Variants in DYNC1H1 observed in about 807,000 individuals in gnomAD.
DYNC1H1 encodes the protein cytoplasmic dynein 1 heavy chain 1.
A neutral mutation model predicts 527.1 loss-of-function variants in DYNC1H1; 51 were observed. The observed-to-expected ratio is 0.10, with a 90% confidence interval of 0.08 to 0.12. The LOEUF is 0.12. DYNC1H1 is among the 10% of genes least tolerant of loss of function. The pLI, the probability that DYNC1H1 is intolerant of heterozygous loss-of-function variation, is 1.00. For missense variants in DYNC1H1, 2,771 were observed against 5,971.8 expected (o/e 0.46, Z 17.66); for synonymous variants, 2,189 against 2,278.8 (o/e 0.96, Z 1.12).
chr14:101,999,379 G>A (rs1567005327), intron 16 of DYNC1H1, among the ~76,000 whole-genome samples: 1 of 152,012 alleles, frequency 6.6e-6, no homozygotes. Flanking sequence ...CTGAACTCAA[G>A]CAGTCTCCCC....
At chr14:101,968,556 G>T (rs2047694236) in intron 1 of DYNC1H1, among the ~76,000 whole-genome samples, 1 of 151,970 alleles carries the variant, frequency 6.6e-6, no homozygotes, top group South Asian at 2.1e-4. Flanking sequence ...TAACACTCCA[G>T]TGTTTGAGAC....
Position 102,011,762 on chromosome 14 carries a change from A to G in DYNC1H1, c.6619-113A>G. The G allele has an allele frequency of 1.7e-5, 21 of 1,240,126 alleles. No individual in the cohort carries two copies. Among genetic ancestry groups the G allele is most frequent in the Non-Finnish European group, 2.4e-5 (21 of 863,750 alleles). 76.8% of individuals were successfully genotyped at this position (1,240,126 alleles called of 1,614,324 possible). ...GAGAGACTCCGTTTCAGGAAAAAAAAAAAAATCCACACATAATGTTTCTTG... is the reference window on the plus strand; with the variant it reads ...GAGAGACTCCGTTTCAGGAAAAAAAGAAAAATCCACACATAATGTTTCTTG... On this transcript the variant is annotated intron_variant, in intron 32 of 77. Transcript: ENST00000360184. The surrounding 1 kb of genome is among the most constrained non-coding windows in gnomAD (Gnocchi z 5.3).
rs560557407 is a variant in DYNC1H1 at position 102,020,446 on chromosome 14, A to G, written c.8507+390A>G. 2.6e-5 allele frequency among the ~76,000 whole-genome samples: 4 copies of G among 152,284 alleles called. No homozygotes were observed. Among genetic ancestry groups the G allele is most frequent in the African/African-American group, 9.6e-5 (4 of 41,560 alleles). ...AGCAGCTGCCTGTGATAACCTTACC[A>G]GAGCACGGGTTCACTGCTGAGTTAA... On this transcript the variant is annotated intron_variant, in intron 42 of 77. Transcript: ENST00000360184. The surrounding 1 kb of genome is among the most constrained non-coding windows in gnomAD (Gnocchi z 4.3).
In DYNC1H1 at chr14:102,002,828, G is replaced by T; in HGVS notation, c.4746G>T (p.Val1582=). Residue 1582 remains valine (V), a synonymous_variant, in exon 23 of 78, where the codon GTG becomes GTT. Transcript: ENST00000360184. The surrounding 1 kb of genome is among the most constrained non-coding windows in gnomAD (Gnocchi z 4.4). ...STEFLALMKK[V]SKSPLVMDVL... ...AGTTTTTGGCTCTAATGAAAAAAGTGTCCAAGTCTCCCCTTGTTATGGATG... is the reference window on the plus strand; with the variant it reads ...AGTTTTTGGCTCTAATGAAAAAAGTTTCCAAGTCTCCCCTTGTTATGGATG... 6.2e-7 allele frequency: 1 copy of T among 1,614,234 alleles called. No individual in the cohort carries two copies. Among genetic ancestry groups the T allele is most frequent in the Non-Finnish European group, 8.5e-7 (1 of 1,180,036 alleles).
rs571858561 is a variant in DYNC1H1 at position 102,044,456 on chromosome 14, C to T, written c.12867C>T (p.Asp4289=). 2.0e-5 allele frequency: 33 copies of T among 1,614,188 alleles called. No homozygotes were observed. Among genetic ancestry groups the T allele is most frequent in the South Asian group, 2.0e-4 (18 of 91,086 alleles). ...DSEFKLACKV[D]GHKDIQMPDG... is the part of the protein sequence containing the mutation. ...AGTTTAAGCTGGCATGCAAGGTCGA[C>T]GGACATAAAGACATTCAAATGCCAG... Residue 4289 remains aspartate, a synonymous_variant, in exon 71 of 78, where the codon GAC becomes GAT. Coordinates refer to ENST00000360184, the MANE Select transcript of DYNC1H1 (RefSeq NM_001376.5). The surrounding 1 kb of genome is among the most constrained non-coding windows in gnomAD (Gnocchi z 7.1).
In DYNC1H1 at chr14:101,964,776, G is replaced by A. The variant is rs1352508759; in HGVS notation, c.85G>A (p.Val29Met). 8 of 1,600,696 alleles carry A rather than the reference G, an allele frequency of 5.0e-6. No homozygotes were observed. The highest frequency in any genetic ancestry group is 2.2e-5 in the South Asian group (2 of 90,000). Residue 29 changes from valine (V) to methionine (M), a missense_variant, in exon 1 of 78, where the codon GTG becomes ATG. By Grantham distance (21) the Val-to-Met change is conservative (BLOSUM62 1). This residue lies in a region of DYNC1H1 where 101 missense variants were observed against 105.3 expected (regional missense o/e 0.96). Transcript: ENST00000360184. This position sits in a 1 kb window ranked among gnomAD's most constrained non-coding sequence, Gnocchi z 5.5. ...SAVQNVADVS[V>M]LQKHLRKLVP... is the part of the protein sequence containing the mutation. Reference sequence around the variant, plus strand: ...CGTGCAGAATGTGGCGGACGTGTCGGTGCTGCAGAAGCACCTGCGCAAGCT... The same window carrying A: ...CGTGCAGAATGTGGCGGACGTGTCGATGCTGCAGAAGCACCTGCGCAAGCT...
chr14:102,048,782 TC>T, intron 74 of DYNC1H1, 113 bp downstream of exon 74: 1 of 1,070,306 alleles, frequency 9.3e-7, no homozygotes. Flanking sequence ...TGCAGGAGCT[TC>T]CGAGAGCAGC....
chr14:101,973,783 G>A (rs960544114), intron 1 of DYNC1H1, among the ~76,000 whole-genome samples: 25 of 152,104 alleles, frequency 1.6e-4, no homozygotes, highest in African/African-American at 6.0e-4. Flanking sequence ...CAGCCTGGGC[G>A]GCAGAGCAAG....
chr14:102,048,874 G>C (rs186777638), intron 74 of DYNC1H1: 22 of 699,994 alleles, frequency 3.1e-5, no homozygotes, highest in Admixed American at 1.5e-4. Context: ...TTCTGTGCTG[G>C]TTCACTGAAT....
intron 10 of DYNC1H1, among the ~76,000 whole-genome samples, chr14:101,989,411 T>C (rs2047971382): frequency 6.6e-6 from 1 of 152,204 alleles, no homozygotes; most frequent in African/African-American, 2.4e-5. Context: ...AGTCTGTGCC[T>C]CCCGAGCCAT....
intron 11 of DYNC1H1, among the ~76,000 whole-genome samples, chr14:101,991,909 TGG>T (rs898070252): frequency 1.5e-4 from 23 of 152,300 alleles, no homozygotes; most frequent in Non-Finnish European, 2.8e-4. Flanking sequence ...TGAGCATCTT[TGG>T]GAATCTCAAT....
intron 72 of DYNC1H1, among the ~76,000 whole-genome samples, chr14:102,046,436 G>A (rs75088021): frequency 0.012 from 1,862 of 151,390 alleles, 39 homozygotes; most frequent in African/African-American, 0.044. Context: ...CGAGCTGGGC[G>A]GGTCTGGAGG....
rs1242753290 is a variant in DYNC1H1 at position 102,015,698 on chromosome 14, G to C, written c.7243-158G>C. On this transcript the variant is annotated intron_variant, in intron 35 of 77. Transcript: ENST00000360184. The surrounding 1 kb of genome is among the most constrained non-coding windows in gnomAD (Gnocchi z 6.9). ...AAAGTTCCTGGGAAGCAGGGTTTTTGAGAACCACCAGGGTGAAGGAATGAG... is the reference window on the plus strand; with the variant it reads ...AAAGTTCCTGGGAAGCAGGGTTTTTCAGAACCACCAGGGTGAAGGAATGAG... Among the ~76,000 whole-genome samples, 1 of 152,196 alleles carries C rather than the reference G, an allele frequency of 6.6e-6. No homozygotes were observed. The highest frequency in any genetic ancestry group is 2.4e-5 in the African/African-American group (1 of 41,448).
chr14:102,040,165 C>A, intron 62 of DYNC1H1, 71 bp from the exon 63 acceptor site: 1 of 1,594,448 alleles, frequency 6.3e-7, no homozygotes, highest in South Asian at 1.1e-5. Flanking sequence ...TTTCTTAAAT[C>A]ACAGCTGTTA....
In DYNC1H1 at chr14:101,964,727, C is replaced by G. The variant is rs373527972; in HGVS notation, c.36C>G (p.Gly12=). 6 of 1,596,844 alleles carry G rather than the reference C, an allele frequency of 3.8e-6. No individual in the cohort carries two copies. Among genetic ancestry groups the G allele is most frequent in the Non-Finnish European group, 4.3e-6 (5 of 1,175,850 alleles). ...CCGGGGGCGGCGGCGGCGAGGACGG[C>G]TCGGCCGGATTGGAAGTGTCGGCCG... ...SEPGGGGGED[G]SAGLEVSAVQ... is the part of the protein sequence containing the mutation. The change falls in exon 1 of 78, where the codon GGC becomes GGG. Residue 12 remains glycine (G), a synonymous_variant. Transcript: ENST00000360184. The surrounding 1 kb of genome is among the most constrained non-coding windows in gnomAD (Gnocchi z 5.5).
At chr14:101,977,128 TTTGA>T (rs2047810192) in intron 2 of DYNC1H1, among the ~76,000 whole-genome samples, 1 of 152,212 alleles carries the variant, frequency 6.6e-6, no homozygotes, top group Admixed American at 6.5e-5. Flanking sequence ...TATATGCAGG[TTTGA>T]TTCTTTTTAG....
chr14:102,051,025 C>T lies in DYNC1H1; in HGVS notation c.*462C>T. Reference sequence around the variant, plus strand: ...CCTGGGGCCCGGGCACCATGGTTCACACCTTTAATCGCAGCACTTTGGGAG... The same window carrying T: ...CCTGGGGCCCGGGCACCATGGTTCATACCTTTAATCGCAGCACTTTGGGAG... On this transcript the variant is annotated 3_prime_UTR_variant, in exon 78 of 78. Coordinates refer to ENST00000360184, the MANE Select transcript of DYNC1H1 (RefSeq NM_001376.5). 4.0e-6 allele frequency: 1 copy of T among 251,968 alleles called. No individual in the cohort carries two copies. The highest frequency in any genetic ancestry group is 1.0e-4 in the East Asian group (1 of 9,750). The allele number at this position is 251,968 out of a possible 1,614,324, so 15.6% of individuals were successfully genotyped here.
At chr14:102,026,525 A>T in intron 43 of DYNC1H1, 49 bp from the exon 44 acceptor site, 2 of 1,610,014 alleles carry the variant, frequency 1.2e-6, no homozygotes, top group Non-Finnish European at 1.7e-6. Flanking sequence ...TTGGTCTAAT[A>T]ACTAACATTT....
Position 102,036,022 on chromosome 14 carries a change from C to G in DYNC1H1, c.10755-467C>G, listed in dbSNP as rs2048571119. On this transcript the variant is annotated intron_variant, in intron 56 of 77. Transcript: ENST00000360184. This position sits in a 1 kb window ranked among gnomAD's most constrained non-coding sequence, Gnocchi z 5.6. ...CCTCATTTGTAGAATGGTTCGATAACAGTGTCAGCCTCATAGGGCTGTTAT... is the reference window on the plus strand; with the variant it reads ...CCTCATTTGTAGAATGGTTCGATAAGAGTGTCAGCCTCATAGGGCTGTTAT... The G allele has an allele frequency of 5.4e-6, 1 of 185,454 alleles. No individual in the cohort carries two copies. Among genetic ancestry groups the G allele is most frequent in the Non-Finnish European group, 1.1e-5 (1 of 87,454 alleles). 11.5% of individuals were successfully genotyped at this position (185,454 alleles called of 1,614,324 possible). A position where few individuals can be genotyped will look rare whatever the true frequency, so the allele number is the denominator to read the frequency against.
Sources: gnomAD v4.1 joint callset for allele counts (sites outside exome capture counted in the v4.1 genomes callset) on GRCh38, gnomAD v4.1.1 for gene constraint, gnomAD v4.1.1 regional missense constraint, Gnocchi (gnomAD v3.1) non-coding constraint, MANE v1.5 for transcripts, NCBI Gene and HGNC (gene_info 2026-07-23, HGNC 2026-07-21) for gene names.